DLG2: variants seen among roughly 807,000 people sequenced by gnomAD.
The protein encoded by DLG2 is discs large MAGUK scaffold protein 2.
A neutral mutation model predicts 132.5 loss-of-function variants in DLG2; 45 were observed. That is an observed-to-expected ratio of 0.34 (90% CI 0.27 to 0.44). DLG2 has a LOEUF of 0.44. DLG2 is among the 20% of genes least tolerant of loss of function. The pLI is 1.00. For synonymous variants in DLG2, 424 were observed against 419.6 expected, an observed-to-expected ratio of 1.01 and a Z score of -0.13; for missense variants, 1,045 against 1,196.9, an observed-to-expected ratio of 0.87 and a Z score of 1.87.
intron 7 of DLG2, among the ~76,000 whole-genome samples, chr11:84,494,413 A>T (rs376049429): frequency 6.6e-6 from 1 of 152,140 alleles, no homozygotes; most frequent in African/African-American, 2.4e-5. Context: ...TTAAAATCTA[A>T]GACTTTCTTC....
At chr11:83,843,888 A>T (rs1227320857) in intron 16 of DLG2, among the ~76,000 whole-genome samples, 1 of 152,224 alleles carries the variant, frequency 6.6e-6, no homozygotes, top group Non-Finnish European at 1.5e-5. Flanking sequence ...TTTCATTACA[A>T]AGCAGCTAAA....
intron 3 of DLG2, among the ~76,000 whole-genome samples, chr11:85,436,083 T>C (rs2091464290): frequency 6.6e-6 from 1 of 152,172 alleles, no homozygotes; most frequent in Admixed American, 6.5e-5. Flanking sequence ...GTTTAATAAA[T>C]GGTGTGGGAA....
At chr11:83,852,375 T>C (rs1370496713) in intron 16 of DLG2, among the ~76,000 whole-genome samples, 1 of 152,188 alleles carries the variant, frequency 6.6e-6, no homozygotes, top group Non-Finnish European at 1.5e-5. Context: ...CAGTGCAGTT[T>C]TGGGAGCTGT....
intron 11 of DLG2, among the ~76,000 whole-genome samples, chr11:84,010,214 T>C (rs557492288): frequency 6.6e-6 from 1 of 152,162 alleles, no homozygotes; most frequent in African/African-American, 2.4e-5. Flanking sequence ...TATATAAAGA[T>C]TTCTGAGAAT....
At chr11:84,685,745 G>C (rs1298777385) in intron 6 of DLG2, among the ~76,000 whole-genome samples, 2 of 151,374 alleles carry the variant, frequency 1.3e-5, no homozygotes, top group South Asian at 2.1e-4. Context: ...TCGCTCTGTC[G>C]CCCAGGCTGG....
chr11:85,308,602 C>T (rs2080115981), intron 3 of DLG2, among the ~76,000 whole-genome samples: 1 of 152,158 alleles, frequency 6.6e-6, no homozygotes, highest in Non-Finnish European at 1.5e-5. Context: ...GTCCTTTGGA[C>T]CTAAGTGTAA....
chr11:84,805,315 C>T (rs755674261), intron 6 of DLG2, among the ~76,000 whole-genome samples: 2 of 152,054 alleles, frequency 1.3e-5, no homozygotes, highest in Non-Finnish European at 2.9e-5. Flanking sequence ...CTCCCTTTCT[C>T]CTGCCCCAAA....
intron 4 of DLG2, among the ~76,000 whole-genome samples, chr11:85,168,969 T>A (rs1384553948): frequency 1.3e-5 from 2 of 152,144 alleles, no homozygotes; most frequent in African/African-American, 4.8e-5. Context: ...AAGAACACGG[T>A]CATCCCCTCA....
intron 4 of DLG2, among the ~76,000 whole-genome samples, chr11:85,240,885 A>G (rs1308235806): frequency 6.6e-6 from 1 of 151,548 alleles, no homozygotes; most frequent in Non-Finnish European, 1.5e-5. Context: ...TCTTTTTCCT[A>G]TCTTAGTTAT....
intron 3 of DLG2, among the ~76,000 whole-genome samples, chr11:85,518,971 G>T (rs1485859359): frequency 6.6e-6 from 1 of 152,174 alleles, no homozygotes; most frequent in African/African-American, 2.4e-5. Context: ...CAGAAGTCAA[G>T]AATTTAGGTT....
chr11:83,633,743 A>AACAC (rs35932645), intron 18 of DLG2, among the ~76,000 whole-genome samples: 9,981 of 143,194 alleles, frequency 0.07, 374 homozygotes, highest in African/African-American at 0.084. Context: ...CACAGAACTA[A>AACAC]ACACACACAC....
intron 6 of DLG2, among the ~76,000 whole-genome samples, chr11:84,810,669 T>G (rs2076457212): frequency 6.6e-6 from 1 of 152,110 alleles, no homozygotes; most frequent in African/African-American, 2.4e-5. Context: ...TTATTCACAA[T>G]AGCCAAAAGC....
In DLG2 at chr11:85,061,336, T is replaced by C. The variant is rs911066290; in HGVS notation, c.357+50325A>G. ...CACTCTTTCTGCACTGGCATCTTTT[T>C]TTCTACAAATTATTTCAAGAATACA... On this transcript the variant is annotated intron_variant, in intron 6 of 27. Transcript: ENST00000376104. Among the ~76,000 whole-genome samples the C allele has an allele frequency of 7.9e-5, 12 of 151,930 alleles. No individual in the cohort carries two copies. In the Admixed American group the frequency reaches 7.9e-4, roughly 10 times the overall value.
chr11:85,101,111 C>T (rs925097116), intron 6 of DLG2, among the ~76,000 whole-genome samples: 2 of 151,970 alleles, frequency 1.3e-5, no homozygotes, highest in Admixed American at 1.3e-4. Context: ...TATCATAAAG[C>T]GTAAGAGCTT....
chr11:84,071,936 T>C (rs2096763514), intron 10 of DLG2, among the ~76,000 whole-genome samples: 1 of 152,236 alleles, frequency 6.6e-6, no homozygotes, highest in Non-Finnish European at 1.5e-5. Context: ...CAGAGGGCTC[T>C]GAGGAATCCA....
At chr11:85,280,794 T>G (rs1366135775) in intron 4 of DLG2, among the ~76,000 whole-genome samples, 4 of 152,058 alleles carry the variant, frequency 2.6e-5, no homozygotes, top group Admixed American at 2.6e-4. Flanking sequence ...GAATTACTTA[T>G]AGTTCAGCAA....
intron 17 of DLG2, among the ~76,000 whole-genome samples, chr11:83,812,819 G>C (rs2047704522): frequency 1.3e-5 from 2 of 152,148 alleles, no homozygotes; most frequent in South Asian, 4.1e-4. Context: ...ATGTACTTGA[G>C]GTCAGCTTTT....
chr11:85,004,064 G>A (rs992730232), intron 6 of DLG2, among the ~76,000 whole-genome samples: 4 of 152,048 alleles, frequency 2.6e-5, no homozygotes, highest in Non-Finnish European at 4.4e-5. Context: ...CCTTTTTTAT[G>A]GCTGCATACT....
At chr11:84,166,197 AAAAG>A (rs929594507) in intron 8 of DLG2, among the ~76,000 whole-genome samples, 1 of 152,166 alleles carries the variant, frequency 6.6e-6, no homozygotes, top group Non-Finnish European at 1.5e-5. Flanking sequence ...GAGACAGAAC[AAAAG>A]AACTAAGAAT....
Sources: gnomAD v4.1 joint callset for allele counts (sites outside exome capture counted in the v4.1 genomes callset) on GRCh38, gnomAD v4.1.1 for gene constraint, MANE v1.5 for transcripts, NCBI Gene and HGNC (gene_info 2026-07-23, HGNC 2026-07-21) for gene names.